The following FAM120A variants were observed in gnomAD, a reference collection of about 807,000 sequenced individuals.
The protein encoded by FAM120A is family with sequence similarity 120 member A, also known as constitutive coactivator of PPAR-gamma-like protein 1.
Under a neutral mutation model 109.7 loss-of-function variants are expected in FAM120A, and 15 were observed. That is an observed-to-expected ratio of 0.14 (90% CI 0.09 to 0.21). The LOEUF is 0.21. Among genes scored for constraint, FAM120A ranks in the 10% least tolerant of loss-of-function variants. The probability of loss-of-function intolerance (pLI) is 1.00; values close to 1 mark genes in which losing one functional copy is unlikely to be tolerated. For missense variants in FAM120A, 899 were observed against 1,439.3 expected, an observed-to-expected ratio of 0.62 and a Z score of 6.07; for synonymous variants, 493 against 572.8, an observed-to-expected ratio of 0.86 and a Z score of 1.99.
At chr9:93,548,798 T>G (rs1286039855) in intron 11 of FAM120A, among the ~76,000 whole-genome samples, 2 of 152,062 alleles carry the variant, frequency 1.3e-5, no homozygotes, top group Non-Finnish European at 2.9e-5. Context: ...ATCCCAGCAC[T>G]TTGGGAGGCT....
At position 93,451,758 on chromosome 9, in the gene FAM120A, C is replaced by G. The variant is rs1015700828; in HGVS notation, c.-158C>G. The G allele has an allele frequency of 4.1e-6, 4 of 982,750 alleles. No homozygotes were observed. In the African/African-American group the frequency reaches 7.1e-5, roughly 17 times the overall value. The allele number at this position is 982,750 out of a possible 1,614,324, so 60.9% of individuals were successfully genotyped here. On this transcript the variant is annotated 5_prime_UTR_variant, in exon 1 of 18. Transcript: ENST00000277165. ...GACATGGCCCTGGGAGGCGGCAGCA[C>G]ATGGCGGCCGCGGCGGCCATGAGCG...
chr9:93,513,707 T>C (rs1009987898), intron 5 of FAM120A, among the ~76,000 whole-genome samples: 1 of 152,172 alleles, frequency 6.6e-6, no homozygotes, highest in Non-Finnish European at 1.5e-5. Context: ...GTAAGATTCC[T>C]GGTCGTTCTC....
intron 7 of FAM120A, among the ~76,000 whole-genome samples, chr9:93,522,512 T>C (rs1442820107): frequency 6.6e-6 from 1 of 152,256 alleles, no homozygotes; most frequent in African/African-American, 2.4e-5. Context: ...TATTAATATG[T>C]ACATGTACTT....
intron 3 of FAM120A, among the ~76,000 whole-genome samples, chr9:93,495,173 C>T (rs1185706871): frequency 2.0e-5 from 3 of 152,182 alleles, no homozygotes; most frequent in Non-Finnish European, 2.9e-5. Flanking sequence ...GCCTGTGGGC[C>T]ACAACTGACC....
intron 15 of FAM120A, among the ~76,000 whole-genome samples, chr9:93,560,412 C>CA (rs1362747705): frequency 6.6e-6 from 1 of 152,070 alleles, no homozygotes; most frequent in African/African-American, 2.4e-5. Flanking sequence ...CATGTGGCTA[C>CA]AAAAAAATAT....
intron 1 of FAM120A, chr9:93,453,093 T>G (rs758734163): frequency 2.8e-6 from 3 of 1,055,374 alleles, no homozygotes; most frequent in Non-Finnish European, 3.4e-6. Context: ...TTCACGTCCG[T>G]GTGAAAGAGG....
At chr9:93,464,554 A>G (rs1357268822) in intron 1 of FAM120A, among the ~76,000 whole-genome samples, 1 of 152,226 alleles carries the variant, frequency 6.6e-6, no homozygotes, top group Non-Finnish European at 1.5e-5. Flanking sequence ...TAGCCCCCTC[A>G]TCACTTCACA....
chr9:93,557,677 G>A (rs1172335944), intron 13 of FAM120A, 150 bp from the exon 14 acceptor site: 12 of 788,346 alleles, frequency 1.5e-5, no homozygotes, highest in East Asian at 5.5e-5. Context: ...ACAAATAAAC[G>A]TTAGCAAGTA....
intron 7 of FAM120A, among the ~76,000 whole-genome samples, chr9:93,524,566 C>T (rs1320107982): frequency 6.6e-6 from 1 of 152,228 alleles, no homozygotes; most frequent in Non-Finnish European, 1.5e-5. Context: ...AGCCACCAAG[C>T]TGACTTGCCA....
intron 1 of FAM120A, among the ~76,000 whole-genome samples, chr9:93,462,293 T>A (rs12336645): frequency 0.026 from 3,967 of 152,240 alleles, 166 homozygotes; most frequent in African/African-American, 0.09. Flanking sequence ...GTATATATAT[T>A]TTTTTGAGAT....
intron 12 of FAM120A, among the ~76,000 whole-genome samples, chr9:93,554,275 G>C (rs1342943515): frequency 6.6e-6 from 1 of 151,982 alleles, no homozygotes; most frequent in Non-Finnish European, 1.5e-5. Flanking sequence ...TGTTTCTTCA[G>C]TTTGGCAATG....
chr9:93,540,598 T>G (rs1177394861), intron 10 of FAM120A, among the ~76,000 whole-genome samples: 1 of 152,152 alleles, frequency 6.6e-6, no homozygotes, highest in East Asian at 1.9e-4. Context: ...TGTGTTCACC[T>G]GTTTCTTTCT....
chr9:93,522,223 C>G (rs1237470732), intron 7 of FAM120A, among the ~76,000 whole-genome samples: 1 of 152,186 alleles, frequency 6.6e-6, no homozygotes, highest in East Asian at 1.9e-4. Context: ...TGTTTTATAT[C>G]TTTTTTCTAA....
At position 93,452,375 on chromosome 9, in the gene FAM120A, C is replaced by G; in HGVS notation, c.460C>G (p.Arg154Gly). ...MAHCIRLALI[R>G]FHVKVAQSIE... ...CCACTGCATCCGCCTGGCGCTCATC[C>G]GCTTCCACGTCAAGGTGAGGCCGGG... Residue 154 changes from arginine to glycine, a missense_variant, in exon 1 of 18, where the codon CGC becomes GGC. Arg to Gly is a moderately radical substitution (Grantham distance 125). This residue lies in a region of FAM120A where 258 missense variants were observed against 451.4 expected (regional missense o/e 0.57). Coordinates refer to ENST00000277165, the MANE Select transcript of FAM120A (RefSeq NM_014612.5). The surrounding 1 kb of genome is among the most constrained non-coding windows in gnomAD (Gnocchi z 7.0). The G allele has an allele frequency of 6.2e-7, 1 of 1,609,112 alleles. No homozygotes were observed. The highest frequency in any genetic ancestry group is 8.5e-7 in the Non-Finnish European group (1 of 1,178,368).
chr9:93,525,214 T>G (rs933331484), intron 7 of FAM120A, among the ~76,000 whole-genome samples: 1 of 152,212 alleles, frequency 6.6e-6, no homozygotes, highest in Non-Finnish European at 1.5e-5. Flanking sequence ...ATTGATAATC[T>G]ACATAGAACA....
chr9:93,539,146 T>C (rs1004222566), intron 10 of FAM120A, among the ~76,000 whole-genome samples: 3 of 152,118 alleles, frequency 2.0e-5, no homozygotes, highest in Non-Finnish European at 4.4e-5. Context: ...TGCAGGCACC[T>C]GCCACCATGC....
chr9:93,457,941 A>G (rs1239571174), intron 1 of FAM120A, among the ~76,000 whole-genome samples: 1 of 152,092 alleles, frequency 6.6e-6, no homozygotes, highest in Non-Finnish European at 1.5e-5. Flanking sequence ...CTTAAATGCC[A>G]CAATCCTCTT....
intron 5 of FAM120A, among the ~76,000 whole-genome samples, chr9:93,508,078 T>G (rs1363003983): frequency 1.3e-5 from 2 of 152,066 alleles, no homozygotes; most frequent in Admixed American, 6.6e-5. Flanking sequence ...GGGAGCTTGA[T>G]CTCTCATAGC....
At chr9:93,466,490 G>A (rs1858024905) in intron 1 of FAM120A, among the ~76,000 whole-genome samples, 1 of 151,862 alleles carries the variant, frequency 6.6e-6, no homozygotes, top group African/African-American at 2.4e-5. Context: ...TGCTTTAGGT[G>A]CACCTTGTGT....
Sources: allele counts gnomAD v4.1 joint callset (sites outside exome capture counted in the v4.1 genomes callset), GRCh38; gene constraint gnomAD v4.1.1; regional missense constraint gnomAD v4.1.1; non-coding constraint Gnocchi (gnomAD v3.1); transcripts MANE v1.5; gene names NCBI Gene and HGNC (gene_info 2026-07-23, HGNC 2026-07-21).